Variants in INF2 observed in about 807,000 individuals in gnomAD.
INF2 encodes the protein inverted formin 2.
A neutral mutation model predicts 123.5 loss-of-function variants in INF2; 43 were observed. The ratio of observed to expected loss-of-function variants is 0.35; its 90% CI spans 0.27 to 0.45. The LOEUF (loss-of-function observed/expected upper bound fraction) is 0.45. Among genes scored for constraint, INF2 ranks in the 20% least tolerant of loss-of-function variants. The pLI is 1.00. For missense variants in INF2, 1,453 were observed against 1,682.7 expected (o/e 0.86, Z 2.39); for synonymous variants, 851 against 745.0 (o/e 1.14, Z -2.32).
Position 104,706,153 on chromosome 14 carries a change from G to A in INF2, c.820G>A (p.Val274Ile), listed in dbSNP as rs1248354438. 4.4e-6 allele frequency: 7 copies of A among 1,595,052 alleles called. No homozygotes were observed. Among genetic ancestry groups the A allele is most frequent in the African/African-American group, 1.3e-5 (1 of 74,606 alleles). ...GGTCGACATGAGCAGCCACCAGGAG[G>A]TCTTTGCCTCCCTGTTCCACAAGGT... ...GGVDMSSHQE[V>I]FASLFHKVSC... is the part of the protein sequence containing the mutation. The change falls in exon 6 of 23, where the codon GTC becomes ATC. Residue 274 changes from valine (V) to isoleucine (I), a missense_variant. By Grantham distance (29) the Val-to-Ile change is conservative. This residue lies in a region of INF2 where 251 missense variants were observed against 349.4 expected (regional missense o/e 0.72). Coordinates refer to ENST00000392634, the MANE Select transcript of INF2 (RefSeq NM_022489.4).
intron 5 of INF2, among the ~76,000 whole-genome samples, chr14:104,705,288 G>A (rs1210188941): frequency 6.6e-6 from 1 of 152,202 alleles, no homozygotes; most frequent in East Asian, 1.9e-4. Context: ...GTGGTGGCAT[G>A]TGCCTGCAAT....
At chr14:104,717,340 C>A (rs1420147141) in intron 22 of INF2, among the ~76,000 whole-genome samples, 1 of 143,786 alleles carries the variant, frequency 7.0e-6, no homozygotes, top group Non-Finnish European at 1.5e-5. Context: ...AGTCCGCCCC[C>A]CCGGGCAGGG....
chr14:104,690,336 C>G (rs185768737), intron 1 of INF2: 2 of 152,424 alleles, frequency 1.3e-5, no homozygotes, highest in African/African-American at 4.8e-5. Context: ...CCCGTCAACC[C>G]TCTAACTGGG....
intron 6 of INF2, among the ~76,000 whole-genome samples, chr14:104,706,385 G>A (rs1889781169): frequency 1.3e-5 from 2 of 152,194 alleles, no homozygotes; most frequent in African/African-American, 4.8e-5. Context: ...GCAGCCTGGG[G>A]GCCGGGCTGG....
At position 104,717,302 on chromosome 14, in the gene INF2, C is replaced by CG. The variant is rs903365994; in HGVS notation, c.*2-1493_*2-1492insG. Among the ~76,000 whole-genome samples the CG allele has an allele frequency of 1.3e-4, 18 of 136,136 alleles. 1 individual carries two copies. In the South Asian group the frequency reaches 1.6e-3, roughly 12 times the overall value. 89.3% of individuals were successfully genotyped at this position (136,136 alleles called of 152,430 possible). On this transcript the variant is annotated intron_variant, in intron 22 of 22. Transcript: ENST00000392634. ...GCGCTGCCGTCCTCCCAGTCCCCCC[C>CG]CCGGGCAGGGCGCGCTGCCGTCCTC...
chr14:104,708,811 G>A (rs1889903523), intron 10 of INF2, 79 bp downstream of exon 10: 1 of 1,425,374 alleles, frequency 7.0e-7, no homozygotes, highest in Admixed American at 1.7e-5. Context: ...GCCCAGCAGT[G>A]CCCTCTGCAG....
In INF2 at chr14:104,707,786, C is replaced by CG; in HGVS notation, c.1519_1520insG (p.Leu507ArgfsTer73). The CG allele has an allele frequency of 9.4e-7, 1 of 1,058,488 alleles. No homozygotes were observed. Among genetic ancestry groups the CG allele is most frequent in the Non-Finnish European group, 1.4e-6 (1 of 726,932 alleles). 65.6% of individuals were successfully genotyped at this position (1,058,488 alleles called of 1,614,324 possible). A position where few individuals can be genotyped will look rare whatever the true frequency, so the allele number is the denominator to read the frequency against. Reference sequence around the variant, plus strand: ...ATGCCCGCCCCCACCCCCACCCCTGCTGCCTGGTATGGGCTGGGGCCCTCC... The same window carrying CG: ...ATGCCCGCCCCCACCCCCACCCCTGCGTGCCTGGTATGGGCTGGGGCCCTCC... On this transcript the variant is annotated frameshift_variant, in exon 8 of 23. Coordinates refer to ENST00000392634, the MANE Select transcript of INF2 (RefSeq NM_022489.4). LOFTEE classifies it high-confidence loss of function.
rs543769752 is a variant in INF2 at position 104,701,815 on chromosome 14, C to T, written c.391+59C>T. On this transcript the variant is annotated intron_variant, in intron 2 of 22. Coordinates refer to ENST00000392634, the MANE Select transcript of INF2 (RefSeq NM_022489.4). ...ACGCTGGGGACCTGGTATGAGGCTTCAGGCCCAAAAGGCCCCGGGAGGCCT... is the reference window on the plus strand; with the variant it reads ...ACGCTGGGGACCTGGTATGAGGCTTTAGGCCCAAAAGGCCCCGGGAGGCCT... 10 of 1,435,514 alleles carry T rather than the reference C, an allele frequency of 7.0e-6. No individual in the cohort carries two copies. In the South Asian group the frequency reaches 1.5e-4, roughly 21 times the overall value. 88.9% of individuals were successfully genotyped at this position (1,435,514 alleles called of 1,614,324 possible).
chr14:104,715,308 A>G lies in INF2; in HGVS notation c.3719A>G (p.Asn1240Ser), dbSNP rs1306025921. The G allele has an allele frequency of 5.6e-6, 9 of 1,613,560 alleles. No homozygotes were observed. The Admixed American group carries it at 1.3e-4, about 24-fold the overall frequency. ...GAGGTTCCCCCTGATTCTGATGATA[A>G]TAAAACAAAGAAACTGTGTGTGATC... The part of the protein sequence containing the change: ...QEEVPPDSDD[N>S]KTKKLCVIQ The change falls in exon 22 of 23, where the codon AAT becomes AGT. Residue 1240 changes from asparagine to serine, a missense_variant. By Grantham distance (46) the Asn-to-Ser change is conservative (BLOSUM62 1). Around this residue, in one of 8 missense-constraint regions of INF2, gnomAD observed 344 missense variants for 333.1 expected, o/e 1.03. Coordinates refer to ENST00000392634, the MANE Select transcript of INF2 (RefSeq NM_022489.4).
rs1199233878 is a variant in INF2, at chr14:104,721,162, G to A, written c.*2369G>A. ...CGATGCTGCTGTGGACGTCTGCGTC[G>A]TCCTCGTGTGGATGCTGCTATGGAC... On this transcript the variant is annotated 3_prime_UTR_variant, in exon 23 of 23. Transcript: ENST00000392634. 3 of 141,536 alleles carry A rather than the reference G, an allele frequency of 2.1e-5. No individual in the cohort carries two copies. The highest frequency in any genetic ancestry group is 3.0e-5 in the Non-Finnish European group (2 of 65,836). The allele number at this position is 141,536 out of a possible 1,614,324, so 8.8% of individuals were successfully genotyped here.
intron 1 of INF2, among the ~76,000 whole-genome samples, chr14:104,691,998 T>C (rs1318036996): frequency 1.3e-5 from 2 of 152,188 alleles, no homozygotes; most frequent in African/African-American, 4.8e-5. Context: ...GGCCGTCCTC[T>C]CTCACAGCCC....
Position 104,713,563 on chromosome 14 carries a change from C to A in INF2, c.2997C>A (p.Gly999=). ...GGGGCCGCGGGGACACCGACGGGGG[C>A]AGCAAGGCAGCCTCCATGGATCCCC... ...TARGRGDTDG[G]SKAASMDPPR... Residue 999 remains glycine, a synonymous_variant, in exon 20 of 23, where the codon GGC becomes GGA. Coordinates refer to ENST00000392634, the MANE Select transcript of INF2 (RefSeq NM_022489.4). The A allele has an allele frequency of 6.2e-7, 1 of 1,612,370 alleles. No homozygotes were observed. Among genetic ancestry groups the A allele is most frequent in the South Asian group, 1.1e-5 (1 of 90,950 alleles).
At chr14:104,689,526 C>T, upstream of INF2, 1 of 701,492 alleles carries the variant, frequency 1.4e-6, no homozygotes, top group Non-Finnish European at 1.8e-6. Flanking sequence ...CCCCCAGGCC[C>T]CGCCCCCGGC....
intron 22 of INF2, among the ~76,000 whole-genome samples, 159 bp from the exon 23 acceptor site, chr14:104,718,636 G>A (rs1890429750): frequency 1.3e-5 from 2 of 152,248 alleles, no homozygotes; most frequent in Non-Finnish European, 1.5e-5. Flanking sequence ...TGCTGCTCCA[G>A]AGAAAGAGCC....
chr14:104,701,023 C>T (rs549325361), intron 1 of INF2, among the ~76,000 whole-genome samples: 8 of 152,248 alleles, frequency 5.3e-5, no homozygotes, highest in South Asian at 2.1e-4. Flanking sequence ...CAAGCTCATC[C>T]GGTCCCGTCA....
rs1451273607 is a variant in INF2 at position 104,713,593 on chromosome 14, A to G, written c.3027A>G (p.Arg1009=). The change falls in exon 20 of 23, where the codon AGA becomes AGG. Residue 1009 remains arginine, a synonymous_variant. Coordinates refer to ENST00000392634, the MANE Select transcript of INF2 (RefSeq NM_022489.4). ...AGGCAGCCTCCATGGATCCCCCAAG[A>G]GCCACAGAGCCTGGTAAGACCCTCT... ...GSKAASMDPP[R]ATEPVATSNP... 1 of 1,612,518 alleles carries G rather than the reference A, an allele frequency of 6.2e-7. No individual in the cohort carries two copies. Among genetic ancestry groups the G allele is most frequent in the East Asian group, 2.2e-5 (1 of 44,860 alleles).
intron 1 of INF2, among the ~76,000 whole-genome samples, chr14:104,694,018 T>C (rs1434658041): frequency 6.6e-6 from 1 of 152,190 alleles, no homozygotes; most frequent in Non-Finnish European, 1.5e-5. Context: ...CGGGAGCCCC[T>C]TGGGGACACC....
chr14:104,705,750 CG>C (rs1364895096), intron 5 of INF2, among the ~76,000 whole-genome samples: 1 of 152,202 alleles, frequency 6.6e-6, no homozygotes, highest in Admixed American at 6.5e-5. Context: ...GCACGTTACT[CG>C]ATGGGAGTGG....
Position 104,713,219 on chromosome 14 carries a change from C to G in INF2, c.2788C>G (p.Arg930Gly), listed in dbSNP as rs764687744. The part of the protein sequence containing the change: ...FLRALKENKD[R>G]KEQAAKAERR... ...TCTGCCAGTGCAGGAGAACAAGGAC[C>G]GGAAGGAGCAGGCGGCGAAGGCAGA... Residue 930 changes from arginine to glycine, a missense_variant, in exon 19 of 23, where the codon CGG becomes GGG. This residue lies in a region of INF2 where 212 missense variants were observed against 266.2 expected (regional missense o/e 0.80). Coordinates refer to ENST00000392634, the MANE Select transcript of INF2 (RefSeq NM_022489.4). 7.7e-6 allele frequency: 12 copies of G among 1,555,946 alleles called. No individual in the cohort carries two copies. Among genetic ancestry groups the G allele is most frequent in the Non-Finnish European group, 9.6e-6 (11 of 1,150,786 alleles).
Sources: gnomAD v4.1 joint callset for allele counts (sites outside exome capture counted in the v4.1 genomes callset) on GRCh38, gnomAD v4.1.1 for gene constraint, gnomAD v4.1.1 regional missense constraint, MANE v1.5 for transcripts, NCBI Gene and HGNC (gene_info 2026-07-23, HGNC 2026-07-21) for gene names.